The following ACR variants were observed in gnomAD, a reference collection of about 807,000 sequenced individuals.
The protein encoded by ACR is acrosin.
In ACR, 17 loss-of-function variants were observed where a neutral mutation model predicts 26.0. That is an observed-to-expected ratio of 0.65 (90% CI 0.45 to 0.98). ACR has a LOEUF of 0.98. ACR is among the 50% of genes least tolerant of loss of function. ACR has a pLI of 0.00. For synonymous variants in ACR, 199 were observed against 207.7 expected (o/e 0.96, Z 0.36); for missense variants, 435 against 519.3 (o/e 0.84, Z 1.58).
At chr22:50,740,348 C>G (rs747786356) in intron 3 of ACR, 2 of 577,572 alleles carry the variant, frequency 3.5e-6, no homozygotes, top group Non-Finnish European at 6.2e-6. Context: ...ATGACAGTGC[C>G]TTCCACTCTC....
chr22:50,740,480 C>A, intron 3 of ACR: 1 of 640,886 alleles, frequency 1.6e-6, no homozygotes, highest in Non-Finnish European at 2.8e-6. Context: ...TCTTTGTCAC[C>A]ATCAGCAGCC....
intron 3 of ACR, 93 bp downstream of exon 3, chr22:50,740,070 G>A (rs1268700379): frequency 6.5e-7 from 1 of 1,535,158 alleles, no homozygotes; most frequent in African/African-American, 1.4e-5. Flanking sequence ...ACCCAGCCAG[G>A]CTGCTTTCAT....
rs1294035657 is a variant in ACR at position 50,744,967 on chromosome 22, C to T, written c.1026C>T (p.Ala342=). The stretch of plus-strand genomic sequence containing the variant: ...CACTTCCACCCCGACCACCGGCAGC[C>T]CAGCCCCGACCCCCACCTTCACCCC... ...PRPLPPRPPA[A]QPRPPPSPPP... is the part of the protein sequence containing the mutation. The change falls in exon 5 of 5, where the codon GCC becomes GCT. Residue 342 remains alanine, a synonymous_variant. Coordinates refer to ENST00000216139, the MANE Select transcript of ACR (RefSeq NM_001097.3). 1 of 1,197,088 alleles carries T rather than the reference C, an allele frequency of 8.4e-7. No homozygotes were observed. Among genetic ancestry groups the T allele is most frequent in the African/African-American group, 1.9e-5 (1 of 52,644 alleles). 74.2% of individuals were successfully genotyped at this position (1,197,088 alleles called of 1,614,324 possible).
At chr22:50,738,501 G>C (rs2083408914) in intron 1 of ACR, among the ~76,000 whole-genome samples, 189 bp downstream of exon 1, 1 of 144,118 alleles carries the variant, frequency 6.9e-6, no homozygotes. Flanking sequence ...GGACCCCTCA[G>C]CACCTCAGGC....
rs75385660 is a variant in ACR at position 50,739,570 on chromosome 22, T to C, written c.281+96T>C. The stretch of plus-strand genomic sequence containing the variant: ...GCTGTGCAGCGTCTCCCTGGGGCTC[T>C]GGGCCAAGTGGCTGCAAGACTCCGG... On this transcript the variant is annotated intron_variant, in intron 2 of 4. Coordinates refer to ENST00000216139, the MANE Select transcript of ACR (RefSeq NM_001097.3). This position sits in a 1 kb window ranked among gnomAD's most constrained non-coding sequence, Gnocchi z 5.5. The C allele has an allele frequency of 3.3e-3, 5,246 of 1,573,894 alleles. 147 individuals carry two copies. In the African/African-American group the frequency reaches 0.064, roughly 19 times the overall value.
In ACR at chr22:50,738,232, G is replaced by A. The variant is rs200755264; in HGVS notation, c.-4G>A. On this transcript the variant is annotated 5_prime_UTR_variant, in exon 1 of 5. Transcript: ENST00000216139. Reference sequence around the variant, plus strand: ...AGGCTTGCAGGCCAGGCAGTGCCAGGAGTATGGTTGAGATGCTACCAACTG... The same window carrying A: ...AGGCTTGCAGGCCAGGCAGTGCCAGAAGTATGGTTGAGATGCTACCAACTG... 460 of 1,614,004 alleles carry A rather than the reference G, an allele frequency of 2.9e-4. 6 individuals carry two copies. The Admixed American group carries it at 7.6e-3, about 27-fold the overall frequency.
intron 3 of ACR, chr22:50,740,868 G>A (rs1027667164): frequency 3.5e-5 from 21 of 605,954 alleles, no homozygotes; most frequent in Admixed American, 7.9e-5. Flanking sequence ...TACTGACTCC[G>A]TGGTCAGAGA....
rs752153585 is a variant in ACR, at chr22:50,739,822, C to T, written c.410C>T (p.Ala137Val). ...ATCATTCATGAAAAATACAACTCTG[C>T]GACAGAGGGAAATGACATTGCCCTC... ...KIIIHEKYNS[A>V]TEGNDIALVE... is the part of the protein sequence containing the mutation. The change falls in exon 3 of 5, where the codon GCG becomes GTG. Residue 137 changes from alanine to valine, a missense_variant. By Grantham distance (64) the Ala-to-Val change is moderately conservative. This residue lies in a region of ACR where 314 missense variants were observed against 372.0 expected (regional missense o/e 0.84). Coordinates refer to ENST00000216139, the MANE Select transcript of ACR (RefSeq NM_001097.3). This position sits in a 1 kb window ranked among gnomAD's most constrained non-coding sequence, Gnocchi z 5.5. 24 of 1,610,840 alleles carry T rather than the reference C, an allele frequency of 1.5e-5. No individual in the cohort carries two copies. The East Asian group carries it at 3.6e-4, about 24-fold the overall frequency.
intron 3 of ACR, among the ~76,000 whole-genome samples, chr22:50,743,184 C>A (rs539010650): frequency 1.3e-5 from 2 of 149,660 alleles, no homozygotes; most frequent in African/African-American, 2.5e-5. Context: ...TACAGGCGCC[C>A]GCCACCATGC....
Position 50,744,081 on chromosome 22 carries a change from C to G in ACR, c.586C>G (p.Leu196Val), listed in dbSNP as rs1199963189. 1 of 1,613,236 alleles carries G rather than the reference C, an allele frequency of 6.2e-7. No homozygotes were observed. Among genetic ancestry groups the G allele is most frequent in the Non-Finnish European group, 8.5e-7 (1 of 1,179,504 alleles). ...EEKAPRPSSILMEARVDLIDL... is the reference protein window; with the variant it reads ...EEKAPRPSSIVMEARVDLIDL... The stretch of plus-strand genomic sequence containing the variant: ...TATAGCCCCCAGGCCATCATCTATA[C>G]TGATGGAGGCACGTGTGGATCTCAT... Residue 196 changes from leucine to valine, a missense_variant, in exon 4 of 5, where the codon CTG becomes GTG. Coordinates refer to ENST00000216139, the MANE Select transcript of ACR (RefSeq NM_001097.3).
At chr22:50,742,567 T>G in intron 3 of ACR, among the ~76,000 whole-genome samples, 1 of 147,418 alleles carries the variant, frequency 6.8e-6, no homozygotes, top group Non-Finnish European at 1.5e-5. Flanking sequence ...AAAAAAATCG[T>G]CTTAATGGCT....
chr22:50,743,634 G>C (rs1056847139), intron 3 of ACR: 21 of 185,426 alleles, frequency 1.1e-4, no homozygotes, highest in African/African-American at 4.2e-4. Context: ...CCAGGCTGCA[G>C]CCCCACCACC....
At chr22:50,743,092 G>C (rs1467634986) in intron 3 of ACR, among the ~76,000 whole-genome samples, 3 of 151,650 alleles carry the variant, frequency 2.0e-5, no homozygotes, top group African/African-American at 7.3e-5. Flanking sequence ...CTGGAGTGCA[G>C]TGGCGCCATC....
intron 3 of ACR, chr22:50,740,882 C>G: frequency 1.7e-6 from 1 of 595,826 alleles, no homozygotes; most frequent in Non-Finnish European, 3.0e-6. Flanking sequence ...TCAGAGACGC[C>G]CAGACACCTC....
At position 50,739,114 on chromosome 22, in the gene ACR, G is replaced by A. The variant is rs548542849; in HGVS notation, c.78-157G>A. 8.9e-4 allele frequency among the ~76,000 whole-genome samples: 135 copies of A among 152,262 alleles called. No individual in the cohort carries two copies. Among genetic ancestry groups the A allele is most frequent in the Non-Finnish European group, 1.8e-3 (124 of 68,026 alleles). On this transcript the variant is annotated intron_variant, in intron 1 of 4. Transcript: ENST00000216139. This position sits in a 1 kb window ranked among gnomAD's most constrained non-coding sequence, Gnocchi z 5.5. ...CCCAGAACCATTTCCTAGAGCCTGCGGCTTCCTACATAGCGCAGGCTGCCC... is the reference window on the plus strand; with the variant it reads ...CCCAGAACCATTTCCTAGAGCCTGCAGCTTCCTACATAGCGCAGGCTGCCC...
chr22:50,740,636 C>T (rs949301747), intron 3 of ACR: 153 of 702,366 alleles, frequency 2.2e-4, no homozygotes, highest in African/African-American at 1.5e-3. Context: ...CTGGAGTGTC[C>T]GGCAGGTACC....
At position 50,739,645 on chromosome 22, in the gene ACR, C is replaced by T. The variant is rs1405001604; in HGVS notation, c.282-49C>T. 2.6e-6 allele frequency: 4 copies of T among 1,541,022 alleles called. No individual in the cohort carries two copies. Among genetic ancestry groups the T allele is most frequent in the Admixed American group, 3.9e-5 (2 of 51,006 alleles). The stretch of plus-strand genomic sequence containing the variant: ...GGAAGGCCCTGAGGGTCGCTGTCAC[C>T]AGGCTTTTGTCCAGCCGGTTGTGAC... On this transcript the variant is annotated intron_variant, in intron 2 of 4. Coordinates refer to ENST00000216139, the MANE Select transcript of ACR (RefSeq NM_001097.3). This position sits in a 1 kb window ranked among gnomAD's most constrained non-coding sequence, Gnocchi z 5.5.
chr22:50,738,495 C>T (rs1242901441), intron 1 of ACR, among the ~76,000 whole-genome samples, 183 bp downstream of exon 1: 1 of 150,512 alleles, frequency 6.6e-6, no homozygotes, highest in African/African-American at 2.5e-5. Flanking sequence ...AGAGATGGAC[C>T]CCTCAGCACC....
At chr22:50,741,768 A>T (rs1416042978) in intron 3 of ACR, among the ~76,000 whole-genome samples, 2 of 150,628 alleles carry the variant, frequency 1.3e-5, no homozygotes, top group Non-Finnish European at 3.0e-5. Flanking sequence ...CTGGAAGGGT[A>T]TTGCTTGGGT....
Sources: allele counts gnomAD v4.1 joint callset (sites outside exome capture counted in the v4.1 genomes callset), GRCh38; gene constraint gnomAD v4.1.1; regional missense constraint gnomAD v4.1.1; non-coding constraint Gnocchi (gnomAD v3.1); transcripts MANE v1.5; gene names NCBI Gene and HGNC (gene_info 2026-07-23, HGNC 2026-07-21).